EPS15L1: variants seen among roughly 807,000 people sequenced by gnomAD.
EPS15L1 encodes epidermal growth factor receptor pathway substrate 15 like 1.
Under a neutral mutation model 117.1 loss-of-function variants are expected in EPS15L1, and 43 were observed. The observed-to-expected ratio is 0.37, with a 90% confidence interval of 0.29 to 0.47. EPS15L1 has a LOEUF of 0.47. EPS15L1 is among the 20% of genes least tolerant of loss of function. The pLI is 0.99. For synonymous variants in EPS15L1, 459 were observed against 470.5 expected (o/e 0.98, Z 0.32); for missense variants, 981 against 1,164.0 (o/e 0.84, Z 2.29).
chr19:16,391,862 C>T (rs1034388944), intron 19 of EPS15L1, among the ~76,000 whole-genome samples: 1 of 152,092 alleles, frequency 6.6e-6, no homozygotes, highest in Non-Finnish European at 1.5e-5. Flanking sequence ...AAACGTGACT[C>T]TAAGGTCCCC....
chr19:16,379,013 T>C (rs925135779), intron 21 of EPS15L1, among the ~76,000 whole-genome samples: 2 of 152,134 alleles, frequency 1.3e-5, no homozygotes, highest in Non-Finnish European at 2.9e-5. Flanking sequence ...AAAATGATCA[T>C]GTGTTCCTGG....
At chr19:16,400,598 A>G (rs1326805314) in intron 16 of EPS15L1, 3 of 971,088 alleles carry the variant, frequency 3.1e-6, no homozygotes, top group East Asian at 1.1e-4. Flanking sequence ...CTCTCTTCCA[A>G]GTATTTATTA....
Position 16,471,921 on chromosome 19 carries a change from A to G in EPS15L1, c.25T>C (p.Ser9Pro). The G allele has an allele frequency of 7.7e-7, 1 of 1,296,072 alleles. No individual in the cohort carries two copies. The highest frequency in any genetic ancestry group is 2.3e-5 in the South Asian group (1 of 44,342). The allele number at this position is 1,296,072 out of a possible 1,614,324, so 80.3% of individuals were successfully genotyped here. ...GCCCGCCCGGCCCGTACCTGCTGGG[A>G]GAGGGGGATGAGCGGCGCCGCCATC... MAAPLIPL[S>P]QQIPTGNSLY... Residue 9 changes from serine (S) to proline (P), a missense_variant, in exon 1 of 24, where the codon TCC becomes CCC. Transcript: ENST00000455140. The surrounding 1 kb of genome is among the most constrained non-coding windows in gnomAD (Gnocchi z 4.8).
Position 16,419,726 on chromosome 19 carries a change from G to A in EPS15L1, c.950+1593C>T, listed in dbSNP as rs1471854706. On this transcript the variant is annotated intron_variant, in intron 10 of 23. Transcript: ENST00000455140. ...TGAACAGAGCTGCGGAGAATGAGCA[G>A]ATCTCAAAGAACATTGCTGATAAAT... Among the ~76,000 whole-genome samples, 196 of 152,342 alleles carry A rather than the reference G, an allele frequency of 1.3e-3. 5 individuals are homozygous for A. The highest frequency in any genetic ancestry group is 2.4e-4 in the Non-Finnish European group (16 of 68,028).
intron 1 of EPS15L1, among the ~76,000 whole-genome samples, chr19:16,461,208 G>A (rs1273276998): frequency 6.6e-6 from 1 of 151,916 alleles, no homozygotes. Flanking sequence ...GGAGGCTGAG[G>A]CAGGAGAATG....
intron 6 of EPS15L1, chr19:16,436,615 C>CA (rs1019129796): frequency 2.3e-5 from 6 of 258,148 alleles, no homozygotes; most frequent in African/African-American, 1.3e-4. Flanking sequence ...ACACAAGCAG[C>CA]AAAAACCACA....
Position 16,471,906 on chromosome 19 carries a change from C to A in EPS15L1, c.33+7G>T. 1.5e-6 allele frequency: 2 copies of A among 1,304,170 alleles called. No individual in the cohort carries two copies. The highest frequency in any genetic ancestry group is 2.2e-5 in the South Asian group (1 of 45,746). 80.8% of individuals were successfully genotyped at this position (1,304,170 alleles called of 1,614,324 possible). On this transcript the variant is annotated splice_region_variant and intron_variant, in intron 1 of 23. Transcript: ENST00000455140. This position sits in a 1 kb window ranked among gnomAD's most constrained non-coding sequence, Gnocchi z 4.8. ...CGGCGCCGCCCCCAGGCCCGCCCGG[C>A]CCGTACCTGCTGGGAGAGGGGGATG...
intron 23 of EPS15L1, among the ~76,000 whole-genome samples, chr19:16,361,236 G>T (rs1011972765): frequency 2.8e-5 from 4 of 142,436 alleles, no homozygotes; most frequent in African/African-American, 1.0e-4. Context: ...CATTGGAGCT[G>T]GTAACTGAAA....
chr19:16,399,449 CCTT>C (rs1241528092), intron 16 of EPS15L1, among the ~76,000 whole-genome samples: 3 of 152,058 alleles, frequency 2.0e-5, no homozygotes, highest in Non-Finnish European at 2.9e-5. Context: ...GAAGTTGTAC[CCTT>C]CTTAGGAAAT....
intron 1 of EPS15L1, among the ~76,000 whole-genome samples, chr19:16,465,550 T>G (rs1405241661): frequency 6.6e-6 from 1 of 152,060 alleles, no homozygotes; most frequent in East Asian, 1.9e-4. Flanking sequence ...AGGTGTGGTG[T>G]TGCATGCCTG....
At chr19:16,364,160 G>A (rs922679869) in intron 22 of EPS15L1, among the ~76,000 whole-genome samples, 1 of 152,230 alleles carries the variant, frequency 6.6e-6, no homozygotes, top group African/African-American at 2.4e-5. Context: ...GGGAGGTCGA[G>A]GCCTGGTATC....
intron 1 of EPS15L1, among the ~76,000 whole-genome samples, chr19:16,447,855 T>C (rs567862371): frequency 6.6e-6 from 1 of 151,814 alleles, no homozygotes; most frequent in East Asian, 1.9e-4. Flanking sequence ...ACTGACTCTA[T>C]AGCTAGAGTA....
chr19:16,386,267 T>C, intron 19 of EPS15L1, 36 bp from the exon 20 acceptor site: 1 of 1,552,342 alleles, frequency 6.4e-7, no homozygotes, highest in Non-Finnish European at 8.9e-7. Flanking sequence ...TAAAAAGCAG[T>C]TCGTTGGTTC....
intron 22 of EPS15L1, among the ~76,000 whole-genome samples, chr19:16,368,548 T>A (rs1443449294): frequency 1.3e-5 from 2 of 152,164 alleles, no homozygotes; most frequent in South Asian, 2.1e-4. Flanking sequence ...TCGTTCATCC[T>A]GCACAACATG....
intron 3 of EPS15L1, 53 bp downstream of exon 3, chr19:16,441,839 G>T (rs552702475): frequency 4.4e-5 from 64 of 1,445,078 alleles, no homozygotes; most frequent in Middle Eastern, 1.8e-4. Context: ...TGACCTGCGG[G>T]GGGAGCTGTG....
chr19:16,410,090 C>T (rs886463990), intron 13 of EPS15L1, among the ~76,000 whole-genome samples: 4 of 150,978 alleles, frequency 2.6e-5, no homozygotes, highest in African/African-American at 4.9e-5. Context: ...GCTGAGATTG[C>T]ACCCTTGTGC....
intron 9 of EPS15L1, 70 bp downstream of exon 9, chr19:16,425,013 A>C: frequency 7.7e-7 from 1 of 1,298,506 alleles, no homozygotes; most frequent in Non-Finnish European, 1.1e-6. Flanking sequence ...CTGGGGTTGC[A>C]TGTTAAGAAC....
Position 16,412,792 on chromosome 19 carries a change from G to T in EPS15L1, c.1266+981C>A, listed in dbSNP as rs796132357. 78 of 442,378 alleles carry T rather than the reference G, an allele frequency of 1.8e-4. No homozygotes were observed. The East Asian group carries it at 3.9e-3, about 22-fold the overall frequency. The allele number at this position is 442,378 out of a possible 1,614,324, so 27.4% of individuals were successfully genotyped here. A position where few individuals can be genotyped will look rare whatever the true frequency, so the allele number is the denominator to read the frequency against. On this transcript the variant is annotated intron_variant, in intron 13 of 23. Coordinates refer to ENST00000455140, the MANE Select transcript of EPS15L1 (RefSeq NM_001258374.3). ...CGGAGGTTTCAGCAGTGGCATCTGG[G>T]GCTGGGGTCGCGGCCGTGGACAGCA... is the stretch of plus-strand genomic sequence containing the variant.
At chr19:16,382,256 C>T (rs548392668) in intron 21 of EPS15L1, among the ~76,000 whole-genome samples, 15 of 152,330 alleles carry the variant, frequency 9.8e-5, no homozygotes, top group Admixed American at 5.2e-4. Context: ...AGAATGCCCG[C>T]GTCATTTCCG....
Sources: allele counts gnomAD v4.1 joint callset (sites outside exome capture counted in the v4.1 genomes callset), GRCh38; gene constraint gnomAD v4.1.1; non-coding constraint Gnocchi (gnomAD v3.1); transcripts MANE v1.5; gene names NCBI Gene and HGNC (gene_info 2026-07-23, HGNC 2026-07-21).